The following CDH8 variants were observed in gnomAD, a reference collection of about 807,000 sequenced individuals.
The protein encoded by CDH8 is cadherin 8, also known as cadherin-8.
A neutral mutation model predicts 68.1 loss-of-function variants in CDH8; 17 were observed. The observed-to-expected ratio is 0.25, with a 90% confidence interval of 0.17 to 0.37. The LOEUF (loss-of-function observed/expected upper bound fraction) is 0.37. Among genes scored for constraint, CDH8 ranks in the 10% least tolerant of loss-of-function variants. CDH8 has a pLI of 1.00. For synonymous variants in CDH8, 372 were observed against 365.1 expected (o/e 1.02, Z -0.21); for missense variants, 763 against 999.3 (o/e 0.76, Z 3.19).
chr16:61,866,582 A>G (rs180871640), intron 3 of CDH8, among the ~76,000 whole-genome samples: 2,482 of 151,710 alleles, frequency 0.016, 37 homozygotes, highest in Non-Finnish European at 0.022. Flanking sequence ...GTGTGTGTGT[A>G]TATATATATA....
At chr16:61,793,135 A>G (rs1210780505) in intron 7 of CDH8, among the ~76,000 whole-genome samples, 1 of 151,948 alleles carries the variant, frequency 6.6e-6, no homozygotes, top group East Asian at 1.9e-4. Context: ...GTGAGGACAC[A>G]GTGAGAAGTT....
chr16:61,724,457 C>G (rs1003520412), intron 9 of CDH8, among the ~76,000 whole-genome samples: 1 of 150,408 alleles, frequency 6.6e-6, no homozygotes, highest in Non-Finnish European at 1.5e-5. Flanking sequence ...TTTACATAGG[C>G]CCTTTTGGTC....
intron 1 of CDH8, among the ~76,000 whole-genome samples, chr16:62,025,311 T>C (rs1334894098): frequency 1.3e-5 from 2 of 152,200 alleles, no homozygotes; most frequent in African/African-American, 4.8e-5. Flanking sequence ...ATCAAATTCA[T>C]AATAATGATG....
In CDH8 at chr16:61,652,152, T is replaced by C. The variant is rs909483157; in HGVS notation, c.*1456A>G. On this transcript the variant is annotated 3_prime_UTR_variant, in exon 12 of 12. Coordinates refer to ENST00000577390, the MANE Select transcript of CDH8 (RefSeq NM_001796.5). ...TGCATGTAATACTTGAGTTTTATCA[T>C]ACATTTTCTACTCCTAAATGGCAGG... 4.1e-6 allele frequency: 4 copies of C among 980,848 alleles called. No homozygotes were observed. The highest frequency in any genetic ancestry group is 1.2e-4 in the Admixed American group (2 of 16,242). 60.8% of individuals were successfully genotyped at this position (980,848 alleles called of 1,614,324 possible).
chr16:61,919,452 A>G (rs1964319959), intron 2 of CDH8, among the ~76,000 whole-genome samples: 1 of 147,224 alleles, frequency 6.8e-6, no homozygotes, highest in Non-Finnish European at 1.5e-5. Flanking sequence ...AGAATAACCA[A>G]TACAGAGAAG....
At chr16:61,962,259 T>C (rs868310209) in intron 2 of CDH8, among the ~76,000 whole-genome samples, 1 of 152,188 alleles carries the variant, frequency 6.6e-6, no homozygotes, top group South Asian at 2.1e-4. Flanking sequence ...ACTCACATTG[T>C]CAAGGGCCAG....
At chr16:61,666,208 A>G (rs76751168) in intron 10 of CDH8, among the ~76,000 whole-genome samples, 21,447 of 132,978 alleles carry the variant, frequency 0.16, 1,766 homozygotes, top group African/African-American at 0.26. Context: ...GTGTGTGTGT[A>G]TATATATATA....
intron 3 of CDH8, among the ~76,000 whole-genome samples, chr16:61,886,791 C>T (rs991093182): frequency 2.6e-5 from 4 of 152,168 alleles, no homozygotes; most frequent in Admixed American, 1.3e-4. Context: ...GTACTGTTTC[C>T]ACATCCTCCT....
intron 4 of CDH8, among the ~76,000 whole-genome samples, chr16:61,838,971 T>C (rs997253239): frequency 1.3e-5 from 2 of 152,122 alleles, no homozygotes; most frequent in African/African-American, 4.8e-5. Context: ...TATATACTTT[T>C]CCTGCTTCTT....
chr16:61,741,779 AT>A (rs1169444495), intron 8 of CDH8, among the ~76,000 whole-genome samples: 4 of 152,142 alleles, frequency 2.6e-5, no homozygotes, highest in Admixed American at 1.3e-4. Context: ...ATATAATGAT[AT>A]TATAAGACAA....
intron 8 of CDH8, among the ~76,000 whole-genome samples, chr16:61,744,693 T>C (rs1959968923): frequency 6.6e-6 from 1 of 151,548 alleles, no homozygotes; most frequent in Admixed American, 6.6e-5. Context: ...TTATATTACT[T>C]ATATAGTCTT....
At chr16:61,800,026 AGCCTCCTGGGTAGCT>A (rs1164058639) in intron 7 of CDH8, among the ~76,000 whole-genome samples, 1 of 152,116 alleles carries the variant, frequency 6.6e-6, no homozygotes, top group African/African-American at 2.4e-5. Flanking sequence ...CTCTTGCCTC[AGCCTCCTGGGTAGCT>A]GAGATTACGG....
intron 4 of CDH8, among the ~76,000 whole-genome samples, chr16:61,845,842 C>T (rs1312044139): frequency 6.6e-6 from 1 of 151,992 alleles, no homozygotes; most frequent in Non-Finnish European, 1.5e-5. Flanking sequence ...AAACATAATA[C>T]CAGACCCATA....
rs1348224222 is a variant in CDH8, at chr16:62,021,426, A to G, written c.-23T>C. On this transcript the variant is annotated 5_prime_UTR_variant, in exon 2 of 12. Coordinates refer to ENST00000577390, the MANE Select transcript of CDH8 (RefSeq NM_001796.5). ...CATGGTCCCACCAGTTAAGCAAATC[A>G]CCACGAAAATGAGACAATTATTTTT... is the stretch of plus-strand genomic sequence containing the variant. 2 of 1,577,824 alleles carry G rather than the reference A, an allele frequency of 1.3e-6. No homozygotes were observed. Among genetic ancestry groups the G allele is most frequent in the Non-Finnish European group, 8.6e-7 (1 of 1,161,554 alleles).
chr16:61,867,339 C>A (rs969412926), intron 3 of CDH8, among the ~76,000 whole-genome samples: 1 of 151,908 alleles, frequency 6.6e-6, no homozygotes, highest in African/African-American at 2.4e-5. Flanking sequence ...TCAGAAACTG[C>A]GGTTAGAAGA....
chr16:61,662,087 G>GTTTTTTTTTTTTTTTTGGTTTATTTTT (rs1963572314), intron 10 of CDH8, among the ~76,000 whole-genome samples: 1 of 92,792 alleles, frequency 1.1e-5, no homozygotes, highest in African/African-American at 4.0e-5. Context: ...TTTTACTTTA[G>GTTTTTTTTTTTTTTTTGGTTTATTTTT]TTTTTTTTTT....
chr16:61,951,560 A>G (rs1370482666), intron 2 of CDH8, among the ~76,000 whole-genome samples: 3 of 151,668 alleles, frequency 2.0e-5, no homozygotes, highest in African/African-American at 7.3e-5. Flanking sequence ...TTTGTATATG[A>G]CAAAACAGAA....
chr16:61,990,544 G>A (rs1176591757), intron 2 of CDH8, among the ~76,000 whole-genome samples: 1 of 152,042 alleles, frequency 6.6e-6, no homozygotes. Flanking sequence ...CAGGCACAGT[G>A]GCTCGTACCT....
chr16:61,764,357 T>C (rs769443703), intron 8 of CDH8, among the ~76,000 whole-genome samples: 3 of 152,110 alleles, frequency 2.0e-5, no homozygotes, highest in African/African-American at 2.4e-5. Flanking sequence ...GAGTAGATTT[T>C]AGACTCAAAT....
Sources: allele counts gnomAD v4.1 joint callset (sites outside exome capture counted in the v4.1 genomes callset), GRCh38; gene constraint gnomAD v4.1.1; transcripts MANE v1.5; gene names NCBI Gene and HGNC (gene_info 2026-07-23, HGNC 2026-07-21).